PDZD2: variants seen among roughly 807,000 people sequenced by gnomAD.
The protein encoded by PDZD2 is PDZ domain-containing protein 2.
Under a neutral mutation model 220.7 loss-of-function variants are expected in PDZD2, and 90 were observed. The ratio of observed to expected loss-of-function variants is 0.41; its 90% CI spans 0.34 to 0.49. PDZD2 has a LOEUF of 0.49. Ranked by LOEUF, PDZD2 falls within the 20% of genes least tolerant of loss-of-function variation. The pLI is 0.28. For missense variants in PDZD2, 3,174 were observed against 3,608.5 expected, an observed-to-expected ratio of 0.88 and a Z score of 3.08; for synonymous variants, 1,375 against 1,450.5, an observed-to-expected ratio of 0.95 and a Z score of 1.18.
intron 6 of PDZD2, among the ~76,000 whole-genome samples, chr5:32,021,253 C>A (rs900581927): frequency 6.6e-6 from 1 of 150,798 alleles, no homozygotes; most frequent in Non-Finnish European, 1.5e-5. Context: ...TGTTTGCTTG[C>A]CTTGATTTTT....
chr5:31,730,393 G>A (rs908974550), intron 1 of PDZD2, among the ~76,000 whole-genome samples: 6 of 152,142 alleles, frequency 3.9e-5, no homozygotes, highest in African/African-American at 1.4e-4. Context: ...GGACCTAACT[G>A]TATTGTCTAT....
chr5:31,689,353 A>ATATATTTT, intron 1 of PDZD2, among the ~76,000 whole-genome samples: 18 of 35,120 alleles, frequency 5.1e-4, no homozygotes, highest in African/African-American at 2.7e-3. Context: ...ATATATATAT[A>ATATATTTT]TTTTTTTTTT....
In PDZD2 at chr5:31,849,912, A is replaced by ACG. The variant is rs1561507000; in HGVS notation, c.476+50188_476+50189insCG. 8.4e-4 allele frequency among the ~76,000 whole-genome samples: 20 copies of ACG among 23,880 alleles called. 6 individuals are homozygous for ACG. Among genetic ancestry groups the ACG allele is most frequent in the African/African-American group, 3.7e-3 (16 of 4,292 alleles). The allele number at this position is 23,880 out of a possible 152,430, so 15.7% of individuals were successfully genotyped here. A position where few individuals can be genotyped will look rare whatever the true frequency, so the allele number is the denominator to read the frequency against. ...TACACATATATATATATACATATAT[A>ACG]TATATACATATATATATATACACAT... On this transcript the variant is annotated intron_variant, in intron 2 of 24. Transcript: ENST00000438447.
intron 2 of PDZD2, among the ~76,000 whole-genome samples, chr5:31,895,699 C>G (rs908257305): frequency 6.6e-6 from 1 of 152,126 alleles, no homozygotes; most frequent in African/African-American, 2.4e-5. Context: ...TCCCCTTCCT[C>G]GTTTTTTCAC....
intron 1 of PDZD2, among the ~76,000 whole-genome samples, chr5:31,651,607 G>A (rs1288909641): frequency 6.7e-6 from 1 of 150,068 alleles, no homozygotes; most frequent in East Asian, 1.9e-4. Context: ...TTGTGCGCTA[G>A]GATAGTTGGA....
chr5:31,824,787 A>T (rs935478555), intron 2 of PDZD2, among the ~76,000 whole-genome samples: 18 of 152,314 alleles, frequency 1.2e-4, no homozygotes, highest in African/African-American at 4.3e-4. Context: ...GCGTTAGGAA[A>T]ATTATGGAAA....
intron 2 of PDZD2, among the ~76,000 whole-genome samples, chr5:31,888,430 G>A (rs1348837214): frequency 6.6e-6 from 1 of 152,180 alleles, no homozygotes; most frequent in African/African-American, 2.4e-5. Flanking sequence ...GACCTCAGGT[G>A]ATCTGCCTGC....
In PDZD2 at chr5:31,935,030, G is replaced by A. The variant is rs10940980; in HGVS notation, c.477-48125G>A. The stretch of plus-strand genomic sequence containing the variant: ...TTGAACCCGGAAGATGGAGGTTGCA[G>A]TGGGCCGAGATTACTCCACTGCACT... On this transcript the variant is annotated intron_variant, in intron 2 of 24. Transcript: ENST00000438447. Among the ~76,000 whole-genome samples, 6,467 of 151,678 alleles carry A rather than the reference G, an allele frequency of 0.043. 933 individuals are homozygous for A. In the East Asian group the frequency reaches 0.53, roughly 13 times the overall value.
chr5:32,052,086 C>T (rs1738612042), intron 8 of PDZD2, among the ~76,000 whole-genome samples: 1 of 152,194 alleles, frequency 6.6e-6, no homozygotes, highest in Admixed American at 6.5e-5. Flanking sequence ...TGCTTAAGAT[C>T]CCCAAGCAGT....
chr5:32,110,045 T>TATTG lies in PDZD2; in HGVS notation c.*1919_*1922dup, dbSNP rs67976907. 5.9e-4 allele frequency: 89 copies of TATTG among 151,900 alleles called. No individual in the cohort carries two copies. In the East Asian group the frequency reaches 0.013, roughly 23 times the overall value. The allele number at this position is 151,900 out of a possible 1,614,324, so 9.4% of individuals were successfully genotyped here. A position where few individuals can be genotyped will look rare whatever the true frequency, so the allele number is the denominator to read the frequency against. On this transcript the variant is annotated 3_prime_UTR_variant, in exon 25 of 25. Coordinates refer to ENST00000438447, the MANE Select transcript of PDZD2 (RefSeq NM_178140.4). ...GCAAGGTGCATGCTTGATTGATAGA[T>TATTG]ATTGATTGATTGTTTTTCAGTCTCT...
At chr5:31,694,322 G>T (rs1747272553) in intron 1 of PDZD2, among the ~76,000 whole-genome samples, 1 of 152,106 alleles carries the variant, frequency 6.6e-6, no homozygotes. Flanking sequence ...AACCCAAGAG[G>T]CGGAGGTTGC....
chr5:31,652,899 C>T (rs1338374954), intron 1 of PDZD2, among the ~76,000 whole-genome samples: 1 of 152,130 alleles, frequency 6.6e-6, no homozygotes, highest in African/African-American at 2.4e-5. Flanking sequence ...GTAGTCTCAG[C>T]TGCTTGGGAG....
At chr5:32,097,162 C>T (rs993147752) in intron 21 of PDZD2, 117 bp from the exon 22 acceptor site, 6 of 693,192 alleles carry the variant, frequency 8.7e-6, no homozygotes, top group Non-Finnish European at 1.5e-5. Context: ...TGGTGAAAAG[C>T]CCCTCCAAGA....
intron 2 of PDZD2, among the ~76,000 whole-genome samples, chr5:31,929,257 T>A (rs1296234560): frequency 2.0e-5 from 3 of 152,230 alleles, no homozygotes; most frequent in Non-Finnish European, 4.4e-5. Context: ...CTGTCAGCAT[T>A]TATGCTTGCA....
intron 1 of PDZD2, among the ~76,000 whole-genome samples, chr5:31,766,931 T>C (rs1273786928): frequency 6.6e-6 from 1 of 151,552 alleles, no homozygotes; most frequent in Admixed American, 6.6e-5. Flanking sequence ...TTTCATCATG[T>C]TGGGCAGGCT....
chr5:31,669,886 G>C (rs994564768), intron 1 of PDZD2, among the ~76,000 whole-genome samples: 3 of 152,078 alleles, frequency 2.0e-5, no homozygotes, highest in African/African-American at 7.2e-5. Flanking sequence ...ATAATGTTGA[G>C]AACATTTGCT....
At chr5:31,672,332 C>A (rs1040670837) in intron 1 of PDZD2, among the ~76,000 whole-genome samples, 1 of 151,406 alleles carries the variant, frequency 6.6e-6, no homozygotes, top group Admixed American at 6.6e-5. Context: ...TGGTGGGTCA[C>A]CCTCTGAGGA....
intron 1 of PDZD2, among the ~76,000 whole-genome samples, chr5:31,673,770 A>G (rs1047770356): frequency 5.9e-5 from 9 of 152,170 alleles, no homozygotes; most frequent in African/African-American, 2.2e-4. Flanking sequence ...CAGGAGTTCA[A>G]GACCAGCCTG....
At chr5:31,884,259 A>ACATACATACATCCATCCATCCATC (rs923352259) in intron 2 of PDZD2, among the ~76,000 whole-genome samples, 138 of 151,676 alleles carry the variant, frequency 9.1e-4, no homozygotes, top group Middle Eastern at 3.4e-3. Context: ...ATACATACAT[A>ACATACATACATCCATCCATCCATC]CATCCTGGGT....
Sources: allele counts gnomAD v4.1 joint callset (sites outside exome capture counted in the v4.1 genomes callset), GRCh38; gene constraint gnomAD v4.1.1; transcripts MANE v1.5; gene names NCBI Gene and HGNC (gene_info 2026-07-23, HGNC 2026-07-21).